The following NUP153 variants were observed in gnomAD, a reference collection of about 807,000 sequenced individuals.
NUP153 encodes nuclear pore complex protein Nup153.
Under a neutral mutation model 134.6 loss-of-function variants are expected in NUP153, and 27 were observed. That is an observed-to-expected ratio of 0.20 (90% CI 0.15 to 0.28). NUP153 has a LOEUF of 0.28. Among genes scored for constraint, NUP153 ranks in the 10% least tolerant of loss-of-function variants. The probability of loss-of-function intolerance (pLI) is 1.00; values close to 1 mark genes in which losing one functional copy is unlikely to be tolerated. For missense variants in NUP153, 1,821 were observed against 1,731.3 expected, an observed-to-expected ratio of 1.05 and a Z score of -0.92; for synonymous variants, 640 against 623.5, an observed-to-expected ratio of 1.03 and a Z score of -0.40.
At chr6:17,684,693 T>G (rs1768805178) in intron 2 of NUP153, among the ~76,000 whole-genome samples, 1 of 152,202 alleles carries the variant, frequency 6.6e-6, no homozygotes, top group South Asian at 2.1e-4. Context: ...CATGCCTTCC[T>G]CACTAAACTT....
At chr6:17,652,006 C>T (rs189120455) in intron 11 of NUP153, 18 of 467,108 alleles carry the variant, frequency 3.9e-5, no homozygotes, top group South Asian at 1.6e-4. Context: ...CAGGTGGCCA[C>T]GCCACTGCAC....
At chr6:17,634,673 G>A (rs1054347393) in intron 16 of NUP153, among the ~76,000 whole-genome samples, 3 of 152,190 alleles carry the variant, frequency 2.0e-5, no homozygotes, top group Admixed American at 2.0e-4. Flanking sequence ...CTGACCTCAG[G>A]TGATCTGCCT....
intron 9 of NUP153, among the ~76,000 whole-genome samples, chr6:17,662,837 A>G (rs1767276027): frequency 6.6e-6 from 1 of 152,200 alleles, no homozygotes; most frequent in Non-Finnish European, 1.5e-5. Flanking sequence ...ATGAGGAAAC[A>G]TCAGACAATC....
Position 17,629,379 on chromosome 6 carries a change from A to G in NUP153, c.2820T>C (p.Ser940=). ...CTTCACTCATGGGGTTTATAGACCC[A>G]GAATCGGATGACACACCTATTTTGA... is the stretch of plus-strand genomic sequence containing the variant. ...GGFKIGVSSD[S]GSINPMSEGF... The change falls in exon 18 of 22, where the codon TCT becomes TCC. Residue 940 remains serine (S), a synonymous_variant. Transcript: ENST00000262077. The G allele has an allele frequency of 6.2e-7, 1 of 1,613,946 alleles. No individual in the cohort carries two copies. The highest frequency in any genetic ancestry group is 8.5e-7 in the Non-Finnish European group (1 of 1,179,892).
intron 1 of NUP153, among the ~76,000 whole-genome samples, chr6:17,701,832 C>CGGGGCG (rs1554148672): frequency 6.8e-5 from 3 of 44,420 alleles, no homozygotes; most frequent in African/African-American, 1.0e-4. Context: ...GACTCTGTCT[C>CGGGGCG]GGGGGGGGGG....
chr6:17,624,864 ATGG>A, intron 19 of NUP153, 31 bp from the exon 20 acceptor site: 1 of 1,523,984 alleles, frequency 6.6e-7, no homozygotes, highest in Non-Finnish European at 8.8e-7. Flanking sequence ...TTAAGTCACC[ATGG>A]TGGCTAATGT....
chr6:17,705,587 G>T (rs1256218557), intron 1 of NUP153, among the ~76,000 whole-genome samples: 4 of 145,388 alleles, frequency 2.8e-5, no homozygotes, highest in Non-Finnish European at 4.5e-5. Context: ...GGCGGTGTTG[G>T]GGGGGGGGAG....
chr6:17,652,795 A>G (rs972231536), intron 11 of NUP153, among the ~76,000 whole-genome samples: 1 of 152,124 alleles, frequency 6.6e-6, no homozygotes, highest in Non-Finnish European at 1.5e-5. Flanking sequence ...AGGCCAAGGC[A>G]GGTGGATCAC....
intron 11 of NUP153, among the ~76,000 whole-genome samples, chr6:17,656,138 G>A (rs545039776): frequency 6.9e-6 from 1 of 144,976 alleles, no homozygotes; most frequent in Non-Finnish European, 1.6e-5. Flanking sequence ...TCAGGAGGTG[G>A]AGGTTGCAGT....
rs1233554491 is a variant in NUP153 at position 17,700,782 on chromosome 6, T to C, written c.111+5495A>G. Among the ~76,000 whole-genome samples the C allele has an allele frequency of 2.0e-5, 3 of 152,246 alleles. No individual in the cohort carries two copies. In the East Asian group the frequency reaches 5.8e-4, roughly 29 times the overall value. ...GGTCTTTTTTCATACAAGCTAAGAA[T>C]GGTTTTTACATTTGCTAAAGGACTT... is the stretch of plus-strand genomic sequence containing the variant. On this transcript the variant is annotated intron_variant, in intron 1 of 21. Coordinates refer to ENST00000262077, the MANE Select transcript of NUP153 (RefSeq NM_005124.4).
At chr6:17,678,908 T>C (rs925020859) in intron 2 of NUP153, among the ~76,000 whole-genome samples, 2 of 150,050 alleles carry the variant, frequency 1.3e-5, no homozygotes, top group African/African-American at 4.9e-5. Context: ...ATGGCACCAC[T>C]GCACTCCAGC....
chr6:17,669,311 A>G lies in NUP153; in HGVS notation c.996T>C (p.Val332=). 1 of 1,610,646 alleles carries G rather than the reference A, an allele frequency of 6.2e-7. No individual in the cohort carries two copies. Among genetic ancestry groups the G allele is most frequent in the Non-Finnish European group, 8.5e-7 (1 of 1,177,064 alleles). ...AACTTACAGAATTCAGAGGAGAAGA[A>G]ACAATGGATGGAATTCTTTTTGCAT... ...LADAKRIPSI[V]SSPLNSPLDR... is the part of the protein sequence containing the mutation. Residue 332 remains valine, a synonymous_variant, in exon 7 of 22, where the codon GTT becomes GTC. Coordinates refer to ENST00000262077, the MANE Select transcript of NUP153 (RefSeq NM_005124.4).
At chr6:17,645,216 C>A (rs1766086805) in intron 14 of NUP153, among the ~76,000 whole-genome samples, 1 of 148,972 alleles carries the variant, frequency 6.7e-6, no homozygotes, top group Non-Finnish European at 1.5e-5. Context: ...GCACTCCAGC[C>A]TGGGCAACAG....
chr6:17,701,791 C>CCACTG lies in NUP153; in HGVS notation c.111+4481_111+4485dup, dbSNP rs573384570. On this transcript the variant is annotated intron_variant, in intron 1 of 21. Coordinates refer to ENST00000262077, the MANE Select transcript of NUP153 (RefSeq NM_005124.4). ...GAAGTTGCAGTGAGCCAAGATTGTG[C>CCACTG]CACTGCACTCCAGCCTGGGCAACAG... Among the ~76,000 whole-genome samples, 34 of 143,276 alleles carry CCACTG rather than the reference C, an allele frequency of 2.4e-4. No homozygotes were observed. The South Asian group carries it at 7.2e-3, about 30-fold the overall frequency. The allele number at this position is 143,276 out of a possible 152,430, so 94.0% of individuals were successfully genotyped here.
In NUP153 at chr6:17,626,133, G is replaced by A. The variant is rs754811423; in HGVS notation, c.3576C>T (p.Phe1192=). The A allele has an allele frequency of 6.2e-6, 10 of 1,612,860 alleles. No individual in the cohort carries two copies. Among genetic ancestry groups the A allele is most frequent in the African/African-American group, 2.7e-5 (2 of 74,896 alleles). The change falls in exon 19 of 22, where the codon TTC becomes TTT. Residue 1192 remains phenylalanine (F), a synonymous_variant. Coordinates refer to ENST00000262077, the MANE Select transcript of NUP153 (RefSeq NM_005124.4). ...TTGAACTAGAGGAACTGTTGTTCAA[G>A]AAACTAAAAACTGGCTTTGCTGCAC... ...DQGAAKPVFS[F]LNNSSSSSST... is the part of the protein sequence containing the mutation.
intron 16 of NUP153, among the ~76,000 whole-genome samples, chr6:17,634,441 A>ATT (rs71002238): frequency 6.1e-5 from 9 of 146,432 alleles, no homozygotes; most frequent in African/African-American, 1.3e-4. Flanking sequence ...CCTTACATAC[A>ATT]TTTTTTTTTT....
At chr6:17,653,152 C>CT (rs1766602734) in intron 11 of NUP153, among the ~76,000 whole-genome samples, 2 of 152,282 alleles carry the variant, frequency 1.3e-5, no homozygotes, top group South Asian at 4.1e-4. Flanking sequence ...ACTTGGGAGG[C>CT]TGACACGGGA....
chr6:17,668,410 A>G (rs1298779625), intron 8 of NUP153, among the ~76,000 whole-genome samples: 1 of 152,084 alleles, frequency 6.6e-6, no homozygotes. Context: ...ATCAAAAGGT[A>G]ACAGTAAGCC....
chr6:17,627,889 T>G (rs1362919706), intron 18 of NUP153, among the ~76,000 whole-genome samples: 2 of 152,222 alleles, frequency 1.3e-5, no homozygotes, highest in African/African-American at 4.8e-5. Flanking sequence ...TTTCCATTTT[T>G]AAGACCAATG....
Sources: gnomAD v4.1 joint callset for allele counts (sites outside exome capture counted in the v4.1 genomes callset) on GRCh38, gnomAD v4.1.1 for gene constraint, MANE v1.5 for transcripts, NCBI Gene and HGNC (gene_info 2026-07-23, HGNC 2026-07-21) for gene names.